SCN9A: variants seen among roughly 807,000 people sequenced by gnomAD.
SCN9A encodes the protein sodium channel protein type 9 subunit alpha.
In SCN9A, 131 loss-of-function variants were observed where a neutral mutation model predicts 187.0. The ratio of observed to expected loss-of-function variants is 0.70; its 90% confidence interval spans 0.61 to 0.81. The LOEUF is 0.81. Ranked by LOEUF, SCN9A falls within the 30% of genes least tolerant of loss-of-function variation. SCN9A has a pLI of 0.00. For missense variants in SCN9A, 2,252 were observed against 2,396.6 expected, an observed-to-expected ratio of 0.94 and a Z score of 1.26; for synonymous variants, 809 against 808.6, an observed-to-expected ratio of 1.00 and a Z score of -0.01.
chr2:166,235,034 G>T (rs1695254069), intron 20 of SCN9A, among the ~76,000 whole-genome samples: 1 of 152,036 alleles, frequency 6.6e-6, no homozygotes, highest in Non-Finnish European at 1.5e-5. Context: ...TCTCTGGTGT[G>T]CCCACCAGCA....
intron 2 of SCN9A, among the ~76,000 whole-genome samples, chr2:166,308,380 C>T (rs1206819156): frequency 2.6e-5 from 4 of 152,012 alleles, no homozygotes; most frequent in African/African-American, 9.7e-5. Context: ...GGAGCGGTTT[C>T]CCCAGTGCTG....
At chr2:166,344,747 G>A (rs1699862082) in intron 1 of SCN9A, among the ~76,000 whole-genome samples, 3 of 151,836 alleles carry the variant, frequency 2.0e-5, no homozygotes, top group Non-Finnish European at 2.9e-5. Flanking sequence ...GTGCAAACAG[G>A]GAAAGAAAAA....
rs1389057210 is a variant in SCN9A at position 166,301,882 on chromosome 2, A to T, written c.901+1208T>A. 5.3e-5 allele frequency: 8 copies of T among 151,056 alleles called. 2 individuals carry two copies. Among genetic ancestry groups the T allele is most frequent in the African/African-American group, 2.0e-4 (8 of 40,334 alleles). The allele number at this position is 151,056 out of a possible 1,614,324, so 9.4% of individuals were successfully genotyped here. Reference sequence around the variant, plus strand: ...GCTAAATTCCTCATCAAATGGTGGTAGTAAAAATATATATGCTAAACATTT... The same window carrying T: ...GCTAAATTCCTCATCAAATGGTGGTTGTAAAAATATATATGCTAAACATTT... On this transcript the variant is annotated intron_variant, in intron 7 of 26. Transcript: ENST00000642356.
chr2:166,329,933 T>C (rs12476306), intron 1 of SCN9A, among the ~76,000 whole-genome samples: 1 of 152,232 alleles, frequency 6.6e-6, no homozygotes, highest in South Asian at 2.1e-4. Context: ...AGTCTGATTG[T>C]CCTTACTTAC....
chr2:166,296,061 G>T (rs1288915363), intron 7 of SCN9A: 1 of 152,166 alleles, frequency 6.6e-6, no homozygotes, highest in East Asian at 1.9e-4. Flanking sequence ...GACTTTTGGA[G>T]TAATCATGGA....
intron 1 of SCN9A, among the ~76,000 whole-genome samples, chr2:166,332,545 C>T (rs1263106075): frequency 6.6e-6 from 1 of 152,102 alleles, no homozygotes; most frequent in African/African-American, 2.4e-5. Flanking sequence ...AATCACTTGA[C>T]CTCAGAAGTA....
intron 21 of SCN9A, among the ~76,000 whole-genome samples, chr2:166,232,252 T>A (rs1309245196): frequency 6.6e-6 from 1 of 152,208 alleles, no homozygotes; most frequent in Non-Finnish European, 1.5e-5. Flanking sequence ...TCCTTAAAGC[T>A]AGGTTATGGT....
At chr2:166,282,946 C>T (rs1341808367) in intron 12 of SCN9A, among the ~76,000 whole-genome samples, 3 of 152,062 alleles carry the variant, frequency 2.0e-5, no homozygotes, top group Admixed American at 6.6e-5. Flanking sequence ...ATAGAGATGA[C>T]GTTATTAGTT....
rs1372291208 is a variant in SCN9A at position 166,196,718 on chromosome 2, T to C, written c.*1954A>G. 6.6e-6 allele frequency: 1 copy of C among 152,058 alleles called. No individual in the cohort carries two copies. Among genetic ancestry groups the C allele is most frequent in the Non-Finnish European group, 1.5e-5 (1 of 67,964 alleles). The allele number at this position is 152,058 out of a possible 1,614,324, so 9.4% of individuals were successfully genotyped here. A position where few individuals can be genotyped will look rare whatever the true frequency, so the allele number is the denominator to read the frequency against. On this transcript the variant is annotated 3_prime_UTR_variant, in exon 27 of 27. Coordinates refer to ENST00000642356, the MANE Select transcript of SCN9A (RefSeq NM_001365536.1). ...TTATCAAAACCTATTTCCAACAGGCTTGGTAGGTATGTGATAAAATGATCT... is the reference window on the plus strand; with the variant it reads ...TTATCAAAACCTATTTCCAACAGGCCTGGTAGGTATGTGATAAAATGATCT...
chr2:166,359,773 C>CT (rs35182375), intron 1 of SCN9A, among the ~76,000 whole-genome samples: 104,025 of 151,594 alleles, frequency 0.69, 36,410 homozygotes, highest in African/African-American at 0.83. Flanking sequence ...CTGATAGGGA[C>CT]TATTTCTAAA....
At chr2:166,251,644 T>G in intron 18 of SCN9A, 121 bp downstream of exon 18, 1 of 1,024,364 alleles carries the variant, frequency 9.8e-7, no homozygotes, top group Non-Finnish European at 1.5e-6. Flanking sequence ...CAGCTATAGC[T>G]GAATCAGCAT....
At chr2:166,274,115 C>T (rs1469554751) in intron 16 of SCN9A, among the ~76,000 whole-genome samples, 1 of 152,034 alleles carries the variant, frequency 6.6e-6, no homozygotes, top group East Asian at 1.9e-4. Flanking sequence ...GTCCATTTTA[C>T]TGCTTTAGTC....
chr2:166,246,592 CTT>C (rs1188746503), intron 18 of SCN9A, among the ~76,000 whole-genome samples: 3 of 151,924 alleles, frequency 2.0e-5, no homozygotes, highest in African/African-American at 2.4e-5. Flanking sequence ...TTAATATTAA[CTT>C]AGTGCTTTAG....
At chr2:166,217,090 C>G (rs1694363621) in intron 24 of SCN9A, among the ~76,000 whole-genome samples, 1 of 151,822 alleles carries the variant, frequency 6.6e-6, no homozygotes, top group Admixed American at 6.6e-5. Flanking sequence ...AGCAAAGGTG[C>G]AAAGAATAAA....
At position 166,199,158 on chromosome 2, in the gene SCN9A, A is replaced by T; in HGVS notation, c.5481T>A (p.Asp1827Glu). ...KPNKVQLIAM[D>E]LPMVSGDRIH... The stretch of plus-strand genomic sequence containing the variant: ...TCCGGTCACCACTAACCATGGGCAG[A>T]TCCATGGCAATGAGCTGGACTTTGT... The change falls in exon 27 of 27, where the codon GAT becomes GAA. Residue 1827 changes from aspartate to glutamate, a missense_variant. Coordinates refer to ENST00000642356, the MANE Select transcript of SCN9A (RefSeq NM_001365536.1). 1 of 1,614,200 alleles carries T rather than the reference A, an allele frequency of 6.2e-7. No homozygotes were observed. The highest frequency in any genetic ancestry group is 8.5e-7 in the Non-Finnish European group (1 of 1,180,034).
intron 24 of SCN9A, among the ~76,000 whole-genome samples, chr2:166,222,961 A>AAAAAAAAAAAAAAC (rs1558960939): frequency 7.1e-6 from 1 of 140,480 alleles, no homozygotes; most frequent in Non-Finnish European, 1.5e-5. Flanking sequence ...AAAAAAAAAA[A>AAAAAAAAAAAAAAC]AAAAAAAAAA....
intron 1 of SCN9A, among the ~76,000 whole-genome samples, chr2:166,351,611 T>A (rs1450271606): frequency 2.0e-5 from 3 of 152,168 alleles, no homozygotes; most frequent in Non-Finnish European, 2.9e-5. Context: ...GCAGAGCTGG[T>A]GGAGAATTCC....
In SCN9A at chr2:166,305,832, C is replaced by G; in HGVS notation, c.556G>C (p.Asp186His). 6.2e-7 allele frequency: 1 copy of G among 1,613,276 alleles called. No individual in the cohort carries two copies. The highest frequency in any genetic ancestry group is 8.5e-7 in the Non-Finnish European group (1 of 1,179,548). ...ACAAAATCCAGCCAGTTCCACGGGT[C>G]ACGAAGAAAAGTGAATTCTCCTACA... ...FCVGEFTFLRDPWNWLDFVVI... is the reference protein window; with the variant it reads ...FCVGEFTFLRHPWNWLDFVVI... The change falls in exon 5 of 27, where the codon GAC (aspartate) becomes CAC (histidine). Residue 186 changes from aspartate to histidine, a missense_variant. Transcript: ENST00000642356.
chr2:166,358,661 AT>A (rs1317957798), intron 1 of SCN9A, among the ~76,000 whole-genome samples: 1 of 152,126 alleles, frequency 6.6e-6, no homozygotes, highest in Non-Finnish European at 1.5e-5. Flanking sequence ...CTACATTTTA[AT>A]TAAATTGAAT....
Sources: gnomAD v4.1 joint callset for allele counts (sites outside exome capture counted in the v4.1 genomes callset) on GRCh38, gnomAD v4.1.1 for gene constraint, MANE v1.5 for transcripts, NCBI Gene and HGNC (gene_info 2026-07-23, HGNC 2026-07-21) for gene names.